VRK2: variants seen among roughly 807,000 people sequenced by gnomAD.
VRK2 encodes the protein serine/threonine-protein kinase VRK2.
VRK2 carries 60 observed loss-of-function variants against 57.6 expected under a neutral mutation model. The observed-to-expected ratio is 1.04, with a 90% CI of 0.85 to 1.29. The LOEUF (loss-of-function observed/expected upper bound fraction) is 1.29. VRK2 is among the 50% of genes most tolerant of loss of function. The pLI is 0.00. For synonymous variants in VRK2, 231 were observed against 199.2 expected (o/e 1.16, Z -1.35); for missense variants, 705 against 588.1 (o/e 1.20, Z -2.06).
At chr2:57,954,352 G>A (rs559265120) in intron 1 of VRK2, among the ~76,000 whole-genome samples, 7 of 152,088 alleles carry the variant, frequency 4.6e-5, no homozygotes, top group South Asian at 4.1e-4. Context: ...AGTAAATATC[G>A]CCTCATCCAA....
chr2:58,036,439 A>C (rs751259709), intron 3 of VRK2, among the ~76,000 whole-genome samples: 1 of 152,014 alleles, frequency 6.6e-6, no homozygotes, highest in South Asian at 2.1e-4. Flanking sequence ...AAATAACACA[A>C]ATGAATTTTT....
rs146033272 is a variant in VRK2 at position 57,965,800 on chromosome 2, G to C, written c.-439+57961G>C. 7.0e-4 allele frequency among the ~76,000 whole-genome samples: 106 copies of C among 152,162 alleles called. No individual in the cohort carries two copies. In the East Asian group the frequency reaches 0.02, roughly 28 times the overall value. On this transcript the variant is annotated intron_variant, in intron 1 of 15. Coordinates refer to the VRK2 transcript ENST00000417641. ...CCCCGAACTGAGGTGATCCAATATA[G>C]AGGCCCTGTCAGCATTGTGACCAGC... is the stretch of plus-strand genomic sequence containing the variant.
intron 1 of VRK2, among the ~76,000 whole-genome samples, chr2:57,993,351 T>C (rs1165309599): frequency 3.3e-5 from 5 of 152,264 alleles, no homozygotes; most frequent in East Asian, 1.9e-4. Context: ...TGCATTCCCA[T>C]TGATGGCATT....
At chr2:57,908,618 T>C (rs937989355) in intron 1 of VRK2, among the ~76,000 whole-genome samples, 2 of 152,204 alleles carry the variant, frequency 1.3e-5, no homozygotes, top group Non-Finnish European at 2.9e-5. Context: ...TTTTGAGGCA[T>C]CCACACTACC....
At chr2:58,098,241 T>TA (rs552589970) in intron 7 of VRK2, among the ~76,000 whole-genome samples, 9 of 152,200 alleles carry the variant, frequency 5.9e-5, no homozygotes, top group East Asian at 5.8e-4. Flanking sequence ...CAAAAAGTTT[T>TA]AAAAAAATAA....
chr2:57,981,044 G>A (rs1214109819), intron 1 of VRK2, among the ~76,000 whole-genome samples: 3 of 152,178 alleles, frequency 2.0e-5, no homozygotes, highest in South Asian at 2.1e-4. Context: ...AGTTAATATT[G>A]ACATGTTAGG....
intron 1 of VRK2, among the ~76,000 whole-genome samples, chr2:57,975,074 G>T (rs948469137): frequency 6.6e-6 from 1 of 151,754 alleles, no homozygotes; most frequent in African/African-American, 2.4e-5. Context: ...TATGTTTCAT[G>T]AATTAGCTAT....
chr2:58,046,470 T>C (rs1257667430), upstream of VRK2: 1 of 983,998 alleles, frequency 1.0e-6, no homozygotes, highest in South Asian at 4.7e-5. Flanking sequence ...ACTCAGGTTG[T>C]GGTACAGGAG....
chr2:58,061,001 A>G (rs1572897475), intron 2 of VRK2, among the ~76,000 whole-genome samples: 1 of 151,972 alleles, frequency 6.6e-6, no homozygotes, highest in Non-Finnish European at 1.5e-5. Flanking sequence ...AAAGGAGTGT[A>G]TGATTGAAAA....
At chr2:57,913,771 C>T (rs902248649) in intron 1 of VRK2, among the ~76,000 whole-genome samples, 1 of 151,820 alleles carries the variant, frequency 6.6e-6, no homozygotes, top group Non-Finnish European at 1.5e-5. Flanking sequence ...TATTAGGATA[C>T]CAAATTGGAT....
rs6733307 is a variant in VRK2, at chr2:58,135,207, A to G, written c.856+8A>G. On this transcript the variant is annotated splice_region_variant and intron_variant, in intron 10 of 12. Transcript: ENST00000340157. The stretch of plus-strand genomic sequence containing the variant: ...CTTCTGGAAGCAGTTGCTGTAAGTC[A>G]AATAATAACTTCAACCTTCTCTTAC... The G allele has an allele frequency of 3.9e-3, 6,340 of 1,614,058 alleles. 251 individuals are homozygous for G. In the African/African-American group the frequency reaches 0.075, roughly 19 times the overall value.
At chr2:58,128,711 C>T (rs1678734094) in intron 8 of VRK2, among the ~76,000 whole-genome samples, 1 of 152,068 alleles carries the variant, frequency 6.6e-6, no homozygotes, top group Admixed American at 6.5e-5. Context: ...TTAATTTTTG[C>T]TCTGTGATAT....
At chr2:58,118,777 G>GT (rs1676937610) in intron 7 of VRK2, among the ~76,000 whole-genome samples, 1 of 152,194 alleles carries the variant, frequency 6.6e-6, no homozygotes, top group Non-Finnish European at 1.5e-5. Context: ...CTGGGTGCAG[G>GT]CGGTTGAGTC....
At chr2:58,125,653 C>T (rs1415540085) in intron 8 of VRK2, among the ~76,000 whole-genome samples, 3 of 151,854 alleles carry the variant, frequency 2.0e-5, no homozygotes, top group Non-Finnish European at 4.4e-5. Context: ...TTCCTTAATG[C>T]ATTTTAAATA....
At chr2:58,067,953 A>G (rs1344028422) in intron 2 of VRK2, among the ~76,000 whole-genome samples, 2 of 149,918 alleles carry the variant, frequency 1.3e-5, no homozygotes, top group Admixed American at 6.7e-5. Flanking sequence ...TTTTTGAAAC[A>G]GAGTATCGCT....
intron 1 of VRK2, among the ~76,000 whole-genome samples, chr2:58,023,978 ATTT>A (rs564635070): frequency 2.8e-5 from 4 of 140,838 alleles, no homozygotes; most frequent in Admixed American, 7.1e-5. Context: ...GTTGGTAAGA[ATTT>A]TTTTTTTTTT....
At chr2:57,925,095 T>G (rs1670487771) in intron 1 of VRK2, among the ~76,000 whole-genome samples, 1 of 152,096 alleles carries the variant, frequency 6.6e-6, no homozygotes, top group East Asian at 1.9e-4. Flanking sequence ...TTTAATGTGT[T>G]GTTGAATTTG....
intron 1 of VRK2, among the ~76,000 whole-genome samples, chr2:57,993,500 C>CA (rs1455427726): frequency 6.6e-6 from 1 of 151,132 alleles, no homozygotes; most frequent in African/African-American, 2.4e-5. Flanking sequence ...AAAAAAGTAG[C>CA]AAAAACTGTT....
intron 2 of VRK2, among the ~76,000 whole-genome samples, chr2:58,049,301 A>G (rs1203320421): frequency 6.6e-6 from 1 of 152,186 alleles, no homozygotes; most frequent in Non-Finnish European, 1.5e-5. Context: ...AACTGTATAG[A>G]TAAAAACACT....
Sources: gnomAD v4.1 joint callset for allele counts (sites outside exome capture counted in the v4.1 genomes callset) on GRCh38, gnomAD v4.1.1 for gene constraint, MANE v1.5 for transcripts, NCBI Gene and HGNC (gene_info 2026-07-23, HGNC 2026-07-21) for gene names.